MARCHF6: variants seen among roughly 807,000 people sequenced by gnomAD.
The protein encoded by MARCHF6 is E3 ubiquitin-protein ligase MARCHF6.
A neutral mutation model predicts 133.7 loss-of-function variants in MARCHF6; 31 were observed. The observed-to-expected ratio is 0.23, with a 90% CI of 0.17 to 0.31. MARCHF6 has a LOEUF of 0.31. MARCHF6 is among the 10% of genes least tolerant of loss of function. The probability of loss-of-function intolerance (pLI) is 1.00; values close to 1 mark genes in which losing one functional copy is unlikely to be tolerated. For missense variants in MARCHF6, 723 were observed against 1,121.6 expected (o/e 0.64, Z 5.08); for synonymous variants, 395 against 402.5 (o/e 0.98, Z 0.22).
In MARCHF6 at chr5:10,366,077, C is replaced by T. The variant is rs576997940; in HGVS notation, c.20-11721C>T. Among the ~76,000 whole-genome samples the T allele has an allele frequency of 3.3e-5, 5 of 152,166 alleles. No individual in the cohort carries two copies. The South Asian group carries it at 8.3e-4, about 25-fold the overall frequency. ...CCTCCTGAGTAGCTGGGATTATAGG[C>T]GTGTGCTGCCATACCTGGCTAGTTT... On this transcript the variant is annotated intron_variant, in intron 1 of 25. Transcript: ENST00000274140.
intron 1 of MARCHF6, among the ~76,000 whole-genome samples, chr5:10,375,574 C>A (rs568830778): frequency 3.0e-4 from 45 of 152,370 alleles, no homozygotes; most frequent in African/African-American, 1.1e-3. Flanking sequence ...GGCAGCTCCA[C>A]CTGCAGCCCG....
Position 10,433,969 on chromosome 5 carries a change from A to C in MARCHF6, c.*285A>C, listed in dbSNP as rs539084651. On this transcript the variant is annotated 3_prime_UTR_variant, in exon 26 of 26. Coordinates refer to ENST00000274140, the MANE Select transcript of MARCHF6 (RefSeq NM_005885.4). ...CATTGTACATCTTTAAACAAAATGTATATTAATTTATTAAATCTAGTTGTC... is the reference window on the plus strand; with the variant it reads ...CATTGTACATCTTTAAACAAAATGTCTATTAATTTATTAAATCTAGTTGTC... 6.2e-6 allele frequency: 2 copies of C among 323,768 alleles called. No homozygotes were observed. The highest frequency in any genetic ancestry group is 4.3e-5 in the African/African-American group (2 of 46,454). 20.1% of individuals were successfully genotyped at this position (323,768 alleles called of 1,614,324 possible). A position where few individuals can be genotyped will look rare whatever the true frequency, so the allele number is the denominator to read the frequency against.
chr5:10,369,223 G>C (rs1736314968), intron 1 of MARCHF6, among the ~76,000 whole-genome samples: 1 of 152,234 alleles, frequency 6.6e-6, no homozygotes, highest in Non-Finnish European at 1.5e-5. Context: ...TGGCAGGGAA[G>C]TGCAGTTTCA....
At chr5:10,416,554 A>G (rs1739524667) in intron 21 of MARCHF6, among the ~76,000 whole-genome samples, 2 of 152,212 alleles carry the variant, frequency 1.3e-5, no homozygotes, top group South Asian at 4.1e-4. Flanking sequence ...TGCCATATAG[A>G]GAAACAAGTA....
At chr5:10,355,398 G>A (rs185372894) in intron 1 of MARCHF6, among the ~76,000 whole-genome samples, 14 of 152,264 alleles carry the variant, frequency 9.2e-5, no homozygotes, top group Admixed American at 7.2e-4. Context: ...AGGTACGGAC[G>A]TATTACATTC....
chr5:10,401,110 T>TGAGA (rs1738506161), intron 11 of MARCHF6: 4 of 368,958 alleles, frequency 1.1e-5, no homozygotes, highest in African/African-American at 6.2e-5. Context: ...CAGGCTGATT[T>TGAGA]TCTGTCCATC....
intron 15 of MARCHF6, among the ~76,000 whole-genome samples, chr5:10,404,557 C>T (rs1320888287): frequency 1.3e-5 from 2 of 152,168 alleles, no homozygotes; most frequent in Non-Finnish European, 2.9e-5. Flanking sequence ...TTCCTGTTCT[C>T]CTCGATTTTA....
chr5:10,368,799 C>T lies in MARCHF6; in HGVS notation c.20-8999C>T, dbSNP rs1417415484. Among the ~76,000 whole-genome samples the T allele has an allele frequency of 1.2e-4, 18 of 152,220 alleles. No individual in the cohort carries two copies. In the East Asian group the frequency reaches 3.3e-3, roughly 28 times the overall value. ...TGTTGGCCAGGCTGGTCTCAAACTCCTGATCTCAAGCAGTCTGCCCACCAT... is the reference window on the plus strand; with the variant it reads ...TGTTGGCCAGGCTGGTCTCAAACTCTTGATCTCAAGCAGTCTGCCCACCAT... On this transcript the variant is annotated intron_variant, in intron 1 of 25. Transcript: ENST00000274140.
At chr5:10,371,155 T>C (rs1181799868) in intron 1 of MARCHF6, among the ~76,000 whole-genome samples, 1 of 152,222 alleles carries the variant, frequency 6.6e-6, no homozygotes, top group Non-Finnish European at 1.5e-5. Context: ...TCTGAAAGTG[T>C]GACAGTTCAG....
At chr5:10,401,837 T>G (rs1738551739) in intron 11 of MARCHF6, 1 of 547,732 alleles carries the variant, frequency 1.8e-6, no homozygotes, top group Non-Finnish European at 3.2e-6. Flanking sequence ...TCTCCTTGGG[T>G]AAAGTGTTAT....
intron 1 of MARCHF6, among the ~76,000 whole-genome samples, chr5:10,373,141 T>G (rs1736565816): frequency 6.6e-6 from 1 of 152,158 alleles, no homozygotes; most frequent in South Asian, 2.1e-4. Flanking sequence ...TTGCATTCTC[T>G]GAGTGAGAAA....
intron 1 of MARCHF6, among the ~76,000 whole-genome samples, chr5:10,361,769 C>CT (rs555422915): frequency 9.5e-4 from 141 of 147,696 alleles, no homozygotes; most frequent in Non-Finnish European, 1.2e-3. Flanking sequence ...ATTATAATAT[C>CT]TTTTTTTTTT....
intron 5 of MARCHF6, 45 bp downstream of exon 5, chr5:10,387,111 T>C (rs1442220653): frequency 1.4e-6 from 2 of 1,396,042 alleles, no homozygotes; most frequent in Non-Finnish European, 2.0e-6. Context: ...ATGTAGATGA[T>C]GCTTGCTTTT....
At chr5:10,373,987 C>A (rs945950640) in intron 1 of MARCHF6, among the ~76,000 whole-genome samples, 2 of 151,972 alleles carry the variant, frequency 1.3e-5, no homozygotes, top group East Asian at 3.9e-4. Flanking sequence ...TTCTCCCCAC[C>A]CCCACCATGG....
chr5:10,405,047 A>G (rs1200995831), intron 15 of MARCHF6, among the ~76,000 whole-genome samples: 2 of 152,198 alleles, frequency 1.3e-5, no homozygotes, highest in East Asian at 3.9e-4. Context: ...TGTTTAGGAG[A>G]TGGAGAATAG....
intron 17 of MARCHF6, among the ~76,000 whole-genome samples, chr5:10,407,967 A>G (rs1259444768): frequency 8.2e-6 from 1 of 122,000 alleles, no homozygotes; most frequent in Non-Finnish European, 1.7e-5. Flanking sequence ...CCCCCCCCCA[A>G]AAAAAAAAGC....
intron 1 of MARCHF6, among the ~76,000 whole-genome samples, chr5:10,362,720 A>G (rs1735900965): frequency 6.6e-6 from 1 of 152,150 alleles, no homozygotes; most frequent in Admixed American, 6.5e-5. Flanking sequence ...AGGGATGAAT[A>G]TTTTCAGATG....
chr5:10,390,392 A>G lies in MARCHF6; in HGVS notation c.468A>G (p.Ala156=), dbSNP rs770354074. ...TTGTGGTGACGTGCACACTGTGTGC[A>G]TTCATCAGCCTGGTGTGGTTGAGAG... ...GCFVVTCTLC[A]FISLVWLREQ... Residue 156 remains alanine, a synonymous_variant, in exon 6 of 26, where the codon GCA becomes GCG. Coordinates refer to ENST00000274140, the MANE Select transcript of MARCHF6 (RefSeq NM_005885.4). 60 of 1,613,838 alleles carry G rather than the reference A, an allele frequency of 3.7e-5. 1 individual carries two copies. The Admixed American group carries it at 5.8e-4, about 16-fold the overall frequency.
chr5:10,374,410 C>T (rs1305905249), intron 1 of MARCHF6, among the ~76,000 whole-genome samples: 3 of 152,134 alleles, frequency 2.0e-5, no homozygotes, highest in Non-Finnish European at 4.4e-5. Context: ...CTTACGGGCT[C>T]TTCTTCCCTG....
Sources: allele counts gnomAD v4.1 joint callset (sites outside exome capture counted in the v4.1 genomes callset), GRCh38; gene constraint gnomAD v4.1.1; transcripts MANE v1.5; gene names NCBI Gene and HGNC (gene_info 2026-07-23, HGNC 2026-07-21).